The following PRKD1 variants were observed in gnomAD, a reference collection of about 807,000 sequenced individuals.
The protein encoded by PRKD1 is protein kinase D1.
PRKD1 carries 63 observed loss-of-function variants against 95.9 expected under a neutral mutation model. That is an observed-to-expected ratio of 0.66 (90% confidence interval 0.54 to 0.81). PRKD1 has a LOEUF of 0.81. PRKD1 is among the 30% of genes least tolerant of loss of function. The pLI, the probability that PRKD1 is intolerant of heterozygous loss-of-function variation, is 0.00. For missense variants in PRKD1, 1,048 were observed against 1,165.3 expected (o/e 0.90, Z 1.47); for synonymous variants, 425 against 423.1 (o/e 1.00, Z -0.05).
chr14:29,594,010 G>C (rs1893216327), intron 16 of PRKD1: 3 of 383,442 alleles, frequency 7.8e-6, no homozygotes, highest in African/African-American at 4.3e-5. Flanking sequence ...ATGATTTCCA[G>C]TCTAAGCCCT....
At chr14:29,680,999 C>T (rs1198446414) in intron 2 of PRKD1, among the ~76,000 whole-genome samples, 1 of 152,118 alleles carries the variant, frequency 6.6e-6, no homozygotes, top group Non-Finnish European at 1.5e-5. Flanking sequence ...ATATTTTTTA[C>T]CATCTGGTTA....
At chr14:29,645,782 C>T (rs936583354) in intron 4 of PRKD1, among the ~76,000 whole-genome samples, 1 of 151,996 alleles carries the variant, frequency 6.6e-6, no homozygotes, top group Non-Finnish European at 1.5e-5. Context: ...AGATGGTTTC[C>T]TCCTTATTCT....
chr14:29,607,881 G>A (rs8015079), intron 13 of PRKD1, among the ~76,000 whole-genome samples: 717 of 151,886 alleles, frequency 4.7e-3, no homozygotes, highest in Non-Finnish European at 5.4e-3. Context: ...AGGGGTATGT[G>A]GGGGGGCATT....
rs905857835 is a variant in PRKD1, at chr14:29,927,348, G to A, written c.165C>T (p.Ile55=). ...PVGGISFHLQ[I]GLSREPVLLL... ...GCAGCACCGGCTCACGGCTCAGGCC[G>A]ATCTGCAGATGGAACGAGATGCCCC... Residue 55 remains isoleucine (I), a synonymous_variant, in exon 1 of 18, where the codon ATC becomes ATT. Transcript: ENST00000331968. The A allele has an allele frequency of 1.9e-6, 3 of 1,566,482 alleles. No homozygotes were observed. Among genetic ancestry groups the A allele is most frequent in the Admixed American group, 1.8e-5 (1 of 55,084 alleles).
At chr14:29,785,504 G>C (rs1889230238) in intron 1 of PRKD1, among the ~76,000 whole-genome samples, 1 of 152,104 alleles carries the variant, frequency 6.6e-6, no homozygotes, top group Non-Finnish European at 1.5e-5. Flanking sequence ...CACGTCATCT[G>C]CAAAGAGGGA....
intron 1 of PRKD1, among the ~76,000 whole-genome samples, chr14:29,827,677 C>T (rs927501956): frequency 2.0e-5 from 3 of 151,722 alleles, no homozygotes; most frequent in Non-Finnish European, 4.4e-5. Context: ...GGAAACACTA[C>T]CTTAGAATAC....
chr14:29,687,221 A>G (rs543279061), intron 2 of PRKD1, among the ~76,000 whole-genome samples: 10 of 152,346 alleles, frequency 6.6e-5, no homozygotes, highest in African/African-American at 1.7e-4. Flanking sequence ...ATGCATGAGG[A>G]AAAGCAACGT....
At chr14:29,908,303 T>A (rs1179434993) in intron 1 of PRKD1, among the ~76,000 whole-genome samples, 2 of 152,218 alleles carry the variant, frequency 1.3e-5, no homozygotes, top group African/African-American at 2.4e-5. Context: ...ACATCAGTAA[T>A]CTTTTTTTCT....
intron 1 of PRKD1, among the ~76,000 whole-genome samples, chr14:29,814,395 C>T (rs953678112): frequency 4.6e-5 from 7 of 152,164 alleles, no homozygotes; most frequent in Non-Finnish European, 7.3e-5. Flanking sequence ...AAGGCAGGAG[C>T]GCAGTGCTGG....
At chr14:29,870,514 C>T (rs1421661561) in intron 1 of PRKD1, among the ~76,000 whole-genome samples, 1 of 152,168 alleles carries the variant, frequency 6.6e-6, no homozygotes, top group East Asian at 1.9e-4. Flanking sequence ...CAGATTGCTG[C>T]CATAGTCCAC....
At chr14:29,741,061 T>C (rs1211099476) in intron 1 of PRKD1, among the ~76,000 whole-genome samples, 1 of 151,884 alleles carries the variant, frequency 6.6e-6, no homozygotes, top group Non-Finnish European at 1.5e-5. Flanking sequence ...TGATGAGAAC[T>C]TAGGGATACA....
At chr14:29,724,015 G>T (rs944818958) in intron 2 of PRKD1, among the ~76,000 whole-genome samples, 3 of 152,120 alleles carry the variant, frequency 2.0e-5, no homozygotes, top group African/African-American at 7.2e-5. Flanking sequence ...GCAGAATGCT[G>T]TTCTCATGCA....
chr14:29,638,811 T>C lies in PRKD1; in HGVS notation c.790A>G (p.Met264Val), dbSNP rs745957667. 2 of 1,506,958 alleles carry C rather than the reference T, an allele frequency of 1.3e-6. No homozygotes were observed. Among genetic ancestry groups the C allele is most frequent in the Non-Finnish European group, 1.8e-6 (2 of 1,113,718 alleles). The allele number at this position is 1,506,958 out of a possible 1,614,324, so 93.3% of individuals were successfully genotyped here. A position where few individuals can be genotyped will look rare whatever the true frequency, so the allele number is the denominator to read the frequency against. ...GTGTGCGGCACTTTAACTTTAGACA[T>C]CAAAATCTTGTCAAGGTGAATTGGT... ...GRPIHLDKIL[M>V]SKVKVPHTFV... Residue 264 changes from methionine to valine, a missense_variant, in exon 5 of 18, where the codon ATG becomes GTG. By Grantham distance (21) the Met-to-Val change is conservative (BLOSUM62 1). This residue lies in a region of PRKD1 where 739 missense variants were observed against 861.9 expected (regional missense o/e 0.86). Transcript: ENST00000331968.
intron 8 of PRKD1, among the ~76,000 whole-genome samples, 167 bp from the exon 9 acceptor site, chr14:29,633,113 A>G (rs930239971): frequency 5.3e-5 from 8 of 152,212 alleles, no homozygotes; most frequent in East Asian, 3.8e-4. Context: ...GAGGTTGACT[A>G]TTTAGCACAT....
intron 2 of PRKD1, among the ~76,000 whole-genome samples, chr14:29,720,226 A>G (rs1323382259): frequency 1.3e-5 from 2 of 152,156 alleles, no homozygotes; most frequent in East Asian, 3.9e-4. Context: ...ACACCTTACA[A>G]TATAGGTGCT....
At chr14:29,808,765 G>A (rs1890356807) in intron 1 of PRKD1, among the ~76,000 whole-genome samples, 1 of 152,028 alleles carries the variant, frequency 6.6e-6, no homozygotes, top group Non-Finnish European at 1.5e-5. Flanking sequence ...CTGAAGTCCT[G>A]AACCCATCAA....
intron 1 of PRKD1, among the ~76,000 whole-genome samples, chr14:29,873,372 C>A (rs1368411386): frequency 2.6e-5 from 4 of 152,196 alleles, no homozygotes; most frequent in Non-Finnish European, 5.9e-5. Context: ...CAGGCATGAG[C>A]CACTGCGCCC....
intron 1 of PRKD1, among the ~76,000 whole-genome samples, chr14:29,739,378 G>A (rs1210785226): frequency 7.9e-5 from 12 of 151,568 alleles, no homozygotes; most frequent in Admixed American, 7.9e-4. Flanking sequence ...TTTTTTTTTA[G>A]CCACTCTCCT....
chr14:29,610,736 T>C (rs558569931), intron 13 of PRKD1, among the ~76,000 whole-genome samples: 2 of 152,186 alleles, frequency 1.3e-5, no homozygotes, highest in Non-Finnish European at 2.9e-5. Context: ...TTATTTATAA[T>C]TGCCAAAACT....
Sources: gnomAD v4.1 joint callset for allele counts (sites outside exome capture counted in the v4.1 genomes callset) on GRCh38, gnomAD v4.1.1 for gene constraint, gnomAD v4.1.1 regional missense constraint, MANE v1.5 for transcripts, NCBI Gene and HGNC (gene_info 2026-07-23, HGNC 2026-07-21) for gene names.